COL5A2: variants seen among roughly 807,000 people sequenced by gnomAD.
The protein encoded by COL5A2 is collagen alpha-2(V) chain.
COL5A2 carries 23 observed loss-of-function variants against 208.2 expected under a neutral mutation model. The observed-to-expected ratio is 0.11, with a 90% CI of 0.08 to 0.16. COL5A2 has a LOEUF of 0.16. Ranked by LOEUF, COL5A2 falls within the 10% of genes least tolerant of loss-of-function variation. COL5A2 has a pLI of 1.00. For synonymous variants in COL5A2, 625 were observed against 628.5 expected, an observed-to-expected ratio of 0.99 and a Z score of 0.08; for missense variants, 1,590 against 1,956.4, an observed-to-expected ratio of 0.81 and a Z score of 3.53.
At chr2:189,112,429 C>T (rs1377477208) in intron 1 of COL5A2, among the ~76,000 whole-genome samples, 1 of 152,148 alleles carries the variant, frequency 6.6e-6, no homozygotes, top group Non-Finnish European at 1.5e-5. Context: ...ATACAAAAAT[C>T]TGCTTTATAT....
intron 6 of COL5A2, among the ~76,000 whole-genome samples, chr2:189,094,588 G>C (rs202100903): frequency 0.014 from 162 of 11,674 alleles, no homozygotes; most frequent in Middle Eastern, 0.1. Context: ...CTTTCTCTCT[G>C]ACACACACAC....
intron 8 of COL5A2, 21 bp downstream of exon 8, chr2:189,088,674 A>T (rs1686717514): frequency 1.9e-6 from 3 of 1,587,744 alleles, no homozygotes; most frequent in East Asian, 2.2e-5. Context: ...TACTTCAATG[A>T]TCAGTAAAAT....
intron 1 of COL5A2, among the ~76,000 whole-genome samples, chr2:189,148,723 TA>T (rs1377818721): frequency 1.3e-5 from 2 of 152,308 alleles, no homozygotes; most frequent in Middle Eastern, 3.4e-3. Context: ...CATTTTTCCA[TA>T]AAGCACAAAT....
intron 1 of COL5A2, among the ~76,000 whole-genome samples, chr2:189,191,175 AAC>A (rs1491076486): frequency 1.3e-5 from 2 of 149,318 alleles, no homozygotes; most frequent in Non-Finnish European, 3.0e-5. Context: ...AACAACAAAA[AAC>A]AACAACAAAA....
At chr2:189,362,133 T>C in the COL5A2 span, among the ~76,000 whole-genome samples, 2 of 152,084 alleles carry the variant, frequency 1.3e-5, no homozygotes, top group Non-Finnish European at 2.9e-5. Flanking sequence ...CCAGGATGCA[T>C]AGAATATATG....
chr2:189,096,580 C>T (rs1426300297), intron 6 of COL5A2, among the ~76,000 whole-genome samples: 2 of 148,674 alleles, frequency 1.3e-5, no homozygotes, highest in African/African-American at 5.0e-5. Context: ...CGAGATCACA[C>T]CACTGCACTC....
At chr2:189,415,466 T>C in the COL5A2 span, among the ~76,000 whole-genome samples, 1 of 152,202 alleles carries the variant, frequency 6.6e-6, no homozygotes, top group African/African-American at 2.4e-5. Context: ...ATTGAATGTG[T>C]ATGTAAATTA....
intron 3 of COL5A2, among the ~76,000 whole-genome samples, chr2:189,101,963 GTCTT>G (rs141228863): frequency 1.9e-4 from 29 of 152,108 alleles, no homozygotes; most frequent in Admixed American, 1.1e-3. Flanking sequence ...AACTTCTAGA[GTCTT>G]TCTATTTTAA....
the COL5A2 span, among the ~76,000 whole-genome samples, chr2:189,262,378 C>T: frequency 6.6e-6 from 1 of 152,042 alleles, no homozygotes; most frequent in Non-Finnish European, 1.5e-5. Context: ...CATGCACACA[C>T]ACACACACAT....
At chr2:189,154,412 C>A (rs138213374) in intron 1 of COL5A2, among the ~76,000 whole-genome samples, 67 of 152,308 alleles carry the variant, frequency 4.4e-4, no homozygotes, top group African/African-American at 1.5e-3. Context: ...ACTCCTGCTT[C>A]TTCTTCTTCC....
rs970206064 is a variant in COL5A2 at position 189,115,343 on chromosome 2, G to A, written c.98-4894C>T. 3.3e-5 allele frequency among the ~76,000 whole-genome samples: 5 copies of A among 151,750 alleles called. No individual in the cohort carries two copies. The East Asian group carries it at 7.7e-4, about 24-fold the overall frequency. On this transcript the variant is annotated intron_variant, in intron 1 of 53. Transcript: ENST00000374866. ...AATTAGAAACTAAATTATCACAATTGCAGCTTGCCAACTATATGGTATGCC... is the reference window on the plus strand; with the variant it reads ...AATTAGAAACTAAATTATCACAATTACAGCTTGCCAACTATATGGTATGCC...
chr2:189,334,998 C>A, the COL5A2 span, among the ~76,000 whole-genome samples: 1 of 152,014 alleles, frequency 6.6e-6, no homozygotes, highest in Middle Eastern at 3.4e-3. Context: ...CTCTAAAAAT[C>A]ATATTAGTAC....
At chr2:189,054,090 G>T (rs1327590113) in intron 36 of COL5A2, 69 bp downstream of exon 36, 16 of 1,479,080 alleles carry the variant, frequency 1.1e-5, no homozygotes, top group Non-Finnish European at 1.5e-5. Context: ...AAAATGAAAA[G>T]ATTTATGAAA....
chr2:189,166,094 A>T (rs1022190408), intron 1 of COL5A2, among the ~76,000 whole-genome samples: 3 of 152,186 alleles, frequency 2.0e-5, no homozygotes, highest in African/African-American at 4.8e-5. Flanking sequence ...CATCACTTAG[A>T]TATGGTCATA....
At chr2:189,243,444 G>A in the COL5A2 span, among the ~76,000 whole-genome samples, 2 of 152,188 alleles carry the variant, frequency 1.3e-5, no homozygotes, top group Non-Finnish European at 2.9e-5. Flanking sequence ...CAAGGAAGAA[G>A]ATAGAGAGCT....
the COL5A2 span, among the ~76,000 whole-genome samples, chr2:189,297,763 C>T: frequency 6.6e-6 from 1 of 152,142 alleles, no homozygotes; most frequent in Non-Finnish European, 1.5e-5. Flanking sequence ...CCTCAATGCA[C>T]ATTTATGCCA....
chr2:189,101,939 T>G (rs1439838189), intron 3 of COL5A2, among the ~76,000 whole-genome samples: 1 of 152,094 alleles, frequency 6.6e-6, no homozygotes, highest in African/African-American at 2.4e-5. Flanking sequence ...TATTTCTGCA[T>G]GTTCACATCC....
At position 189,114,974 on chromosome 2, in the gene COL5A2, T is replaced by C. The variant is rs187499979; in HGVS notation, c.98-4525A>G. On this transcript the variant is annotated intron_variant, in intron 1 of 53. Transcript: ENST00000374866. ...ATTTTTTGCTGTTTATGTTTAACTT[T>C]CCTAAAATTGATTAGGACTGGTAGA... Among the ~76,000 whole-genome samples, 136 of 152,270 alleles carry C rather than the reference T, an allele frequency of 8.9e-4. 1 individual carries two copies. Among genetic ancestry groups the C allele is most frequent in the African/African-American group, 3.1e-3 (130 of 41,582 alleles).
At chr2:189,291,780 G>A in the COL5A2 span, among the ~76,000 whole-genome samples, 1 of 150,006 alleles carries the variant, frequency 6.7e-6, no homozygotes, top group Admixed American at 6.6e-5. Context: ...ATTTTTTCCT[G>A]TGGAAAATTA....
Sources: gnomAD v4.1 joint callset for allele counts (sites outside exome capture counted in the v4.1 genomes callset) on GRCh38, gnomAD v4.1.1 for gene constraint, MANE v1.5 for transcripts, NCBI Gene and HGNC (gene_info 2026-07-23, HGNC 2026-07-21) for gene names.